Variants in FAT4 observed in about 807,000 individuals in gnomAD.
FAT4 encodes the protein FAT atypical cadherin 4, also known as protocadherin Fat 4.
FAT4 carries 84 observed loss-of-function variants against 303.9 expected under a neutral mutation model. The observed-to-expected ratio is 0.28, with a 90% CI of 0.23 to 0.33. The LOEUF (loss-of-function observed/expected upper bound fraction) is 0.33. FAT4 is among the 10% of genes least tolerant of loss of function. FAT4 has a pLI of 1.00. For missense variants in FAT4, 6,005 were observed against 6,146.8 expected (o/e 0.98, Z 0.77); for synonymous variants, 2,307 against 2,298.8 (o/e 1.00, Z -0.10).
At chr4:125,340,141 C>A (rs1157301610) in intron 2 of FAT4, among the ~76,000 whole-genome samples, 1 of 151,752 alleles carries the variant, frequency 6.6e-6, no homozygotes, top group Non-Finnish European at 1.5e-5. Flanking sequence ...TTATTCTTTT[C>A]TATTTTGTGG....
At chr4:125,355,473 T>C (rs1217501031) in intron 2 of FAT4, among the ~76,000 whole-genome samples, 1 of 152,006 alleles carries the variant, frequency 6.6e-6, no homozygotes, top group Non-Finnish European at 1.5e-5. Flanking sequence ...GAAATAATAT[T>C]ACGAACTTGG....
intron 2 of FAT4, among the ~76,000 whole-genome samples, chr4:125,374,427 G>GA (rs1464542532): frequency 6.6e-6 from 1 of 152,066 alleles, no homozygotes; most frequent in Non-Finnish European, 1.5e-5. Context: ...ATATTCTTTG[G>GA]AAAAAACTCA....
At position 125,451,471 on chromosome 4, in the gene FAT4, A is replaced by C; in HGVS notation, c.10461A>C (p.Ser3487=). The change falls in exon 10 of 18, where the codon TCA becomes TCC. Residue 3487 remains serine (S), a synonymous_variant. Coordinates refer to ENST00000394329, the MANE Select transcript of FAT4 (RefSeq NM_001291303.3). ...IYNLSVLAVD[S]GTPSATGSAS... ...ATCTCTCAGTTTTGGCTGTTGATTC[A>C]GGGACCCCCTCAGCTACAGGTAGTG... is the stretch of plus-strand genomic sequence containing the variant. 1.2e-6 allele frequency: 2 copies of C among 1,614,128 alleles called. No homozygotes were observed. Among genetic ancestry groups the C allele is most frequent in the Non-Finnish European group, 1.7e-6 (2 of 1,180,020 alleles).
chr4:125,395,466 C>T (rs547237541), intron 2 of FAT4, among the ~76,000 whole-genome samples: 36 of 152,130 alleles, frequency 2.4e-4, no homozygotes, highest in Admixed American at 1.0e-3. Flanking sequence ...CACGCCACCA[C>T]GCCCAACTAA....
In FAT4 at chr4:125,456,141, T is replaced by C. The variant is rs1287215667; in HGVS notation, c.11800+3331T>C. Among the ~76,000 whole-genome samples the C allele has an allele frequency of 2.6e-5, 4 of 152,206 alleles. No homozygotes were observed. The East Asian group carries it at 7.7e-4, about 29-fold the overall frequency. Reference sequence around the variant, plus strand: ...GAAGGGAGTCTGGAAAAGGTAGTTTTCAGACTTCCAGCCCTTGCAATATGG... The same window carrying C: ...GAAGGGAGTCTGGAAAAGGTAGTTTCCAGACTTCCAGCCCTTGCAATATGG... On this transcript the variant is annotated intron_variant, in intron 10 of 17. Coordinates refer to ENST00000394329, the MANE Select transcript of FAT4 (RefSeq NM_001291303.3).
intron 2 of FAT4, among the ~76,000 whole-genome samples, chr4:125,360,394 G>C (rs1337134739): frequency 6.6e-6 from 1 of 152,108 alleles, no homozygotes; most frequent in Non-Finnish European, 1.5e-5. Flanking sequence ...ACACAGGCTT[G>C]TAAGGAGGAC....
At chr4:125,456,983 T>A (rs753420587) in intron 10 of FAT4, among the ~76,000 whole-genome samples, 2 of 152,176 alleles carry the variant, frequency 1.3e-5, no homozygotes, top group Non-Finnish European at 2.9e-5. Flanking sequence ...GTATTTTTCA[T>A]ACTCTACTTT....
rs190943149 is a variant in FAT4 at position 125,315,269 on chromosome 4, G to C, written c.-721G>C. Among the ~76,000 whole-genome samples, 530 of 152,210 alleles carry C rather than the reference G, an allele frequency of 3.5e-3. 10 individuals are homozygous for C. The highest frequency in any genetic ancestry group is 0.014 in the East Asian group (74 of 5,124). ...GAGGGCGTCACTACAGCCCAGCGCC[G>C]ACTTCGCCGCCTCCGCTGCCAACTG... On this transcript the variant is annotated 5_prime_UTR_variant, in exon 1 of 18. Coordinates refer to ENST00000394329, the MANE Select transcript of FAT4 (RefSeq NM_001291303.3).
intron 2 of FAT4, among the ~76,000 whole-genome samples, chr4:125,346,988 A>G (rs570770516): frequency 6.6e-6 from 1 of 151,528 alleles, no homozygotes; most frequent in African/African-American, 2.4e-5. Context: ...GGTAAGAGAA[A>G]TATTTAAGAT....
rs1727693838 is a variant in FAT4 at position 125,492,706 on chromosome 4, T to A, written c.*938T>A. 1 of 152,608 alleles carries A rather than the reference T, an allele frequency of 6.6e-6. No individual in the cohort carries two copies. Among genetic ancestry groups the A allele is most frequent in the South Asian group, 2.1e-4 (1 of 4,834 alleles). The allele number at this position is 152,608 out of a possible 1,614,324, so 9.5% of individuals were successfully genotyped here. A position where few individuals can be genotyped will look rare whatever the true frequency, so the allele number is the denominator to read the frequency against. On this transcript the variant is annotated 3_prime_UTR_variant, in exon 18 of 18. Transcript: ENST00000394329. ...TACTTTGTCATTTTGTAGATCATTT[T>A]TTTAAAATACTGTGTAAAAACTTTT... is the stretch of plus-strand genomic sequence containing the variant.
chr4:125,355,753 A>G (rs1448098001), intron 2 of FAT4, among the ~76,000 whole-genome samples: 1 of 151,832 alleles, frequency 6.6e-6, no homozygotes, highest in Non-Finnish European at 1.5e-5. Flanking sequence ...ACTCAATTGA[A>G]TTGGAGAAGG....
At chr4:125,480,971 G>A (rs1727203957) in intron 15 of FAT4, among the ~76,000 whole-genome samples, 1 of 151,760 alleles carries the variant, frequency 6.6e-6, no homozygotes, top group Non-Finnish European at 1.5e-5. Flanking sequence ...CTGGAATGTG[G>A]ATTTTTTTCA....
At chr4:125,362,136 A>C (rs1456418394) in intron 2 of FAT4, among the ~76,000 whole-genome samples, 1 of 152,086 alleles carries the variant, frequency 6.6e-6, no homozygotes, top group Non-Finnish European at 1.5e-5. Flanking sequence ...TGTGCTGATA[A>C]TACAATGTTT....
intron 2 of FAT4, among the ~76,000 whole-genome samples, chr4:125,352,924 G>T (rs558707450): frequency 6.6e-6 from 1 of 151,774 alleles, no homozygotes; most frequent in African/African-American, 2.4e-5. Context: ...CCATATTGCT[G>T]TTTCCTCAGC....
chr4:125,491,523 G>GCA lies in FAT4; in HGVS notation c.14707_14708insCA (p.Gly4903AlafsTer20), dbSNP rs1727642452. ...GTACCACGGTCGCAGGGCCGAGGGAGGACCTGTGGGCACCCAGGCAGCAGC... is the reference window on the plus strand; with the variant it reads ...GTACCACGGTCGCAGGGCCGAGGGAGCAGACCTGTGGGCACCCAGGCAGCAGC... On this transcript the variant is annotated frameshift_variant, in exon 18 of 18. Transcript: ENST00000394329. LOFTEE classifies it high-confidence loss of function. The GCA allele has an allele frequency of 6.2e-7, 1 of 1,614,078 alleles. No homozygotes were observed. The highest frequency in any genetic ancestry group is 1.7e-5 in the Admixed American group (1 of 60,008).
rs7678076 is a variant in FAT4 at position 125,434,580 on chromosome 4, A to G, written c.7199+155A>G. Among the ~76,000 whole-genome samples, 150,802 of 152,344 alleles carry G rather than the reference A, an allele frequency of 0.99. 74,655 individuals carry two copies. The highest frequency in any genetic ancestry group is 1 in the East Asian group (5,190 of 5,190). ...TGATAGCCAACAATTCATTAAATGA[A>G]GATTCAAACAGTAAACATTTTACTT... On this transcript the variant is annotated intron_variant, in intron 8 of 17. Coordinates refer to ENST00000394329, the MANE Select transcript of FAT4 (RefSeq NM_001291303.3).
intron 11 of FAT4, among the ~76,000 whole-genome samples, chr4:125,464,492 T>TA (rs1399933679): frequency 1.3e-5 from 2 of 152,108 alleles, no homozygotes; most frequent in East Asian, 3.9e-4. Context: ...TCTTTTCTTT[T>TA]TTTTTTTGTC....
intron 5 of FAT4, among the ~76,000 whole-genome samples, chr4:125,414,408 T>C (rs1218545717): frequency 6.6e-6 from 1 of 152,162 alleles, no homozygotes; most frequent in East Asian, 1.9e-4. Flanking sequence ...CAAAGGTCCA[T>C]TACTTAGCTA....
intron 10 of FAT4, among the ~76,000 whole-genome samples, chr4:125,460,230 C>T (rs577271974): frequency 1.3e-5 from 2 of 151,816 alleles, no homozygotes; most frequent in Admixed American, 1.3e-4. Context: ...CTATTTTTTC[C>T]AAACTCAACA....
Sources: gnomAD v4.1 joint callset for allele counts (sites outside exome capture counted in the v4.1 genomes callset) on GRCh38, gnomAD v4.1.1 for gene constraint, MANE v1.5 for transcripts, NCBI Gene and HGNC (gene_info 2026-07-23, HGNC 2026-07-21) for gene names.